LRRC3B: variants seen among roughly 807,000 people sequenced by gnomAD.
LRRC3B encodes leucine-rich repeat-containing protein 3B.
A neutral mutation model predicts 12.8 loss-of-function variants in LRRC3B; 2 were observed. The ratio of observed to expected loss-of-function variants is 0.16; its 90% CI spans 0.06 to 0.49. The LOEUF is 0.49. Among genes scored for constraint, LRRC3B ranks in the 20% least tolerant of loss-of-function variants. The probability of loss-of-function intolerance (pLI) is 0.96; values close to 1 mark genes in which losing one functional copy is unlikely to be tolerated. For missense variants in LRRC3B, 189 were observed against 319.4 expected, an observed-to-expected ratio of 0.59 and a Z score of 3.11; for synonymous variants, 132 against 122.0, an observed-to-expected ratio of 1.08 and a Z score of -0.54.
chr3:26,705,365 A>G (rs1307573094), intron 1 of LRRC3B, among the ~76,000 whole-genome samples: 1 of 151,752 alleles, frequency 6.6e-6, no homozygotes, highest in Non-Finnish European at 1.5e-5. Flanking sequence ...CTTCTGCTTG[A>G]CCCAGACGTA....
intron 1 of LRRC3B, among the ~76,000 whole-genome samples, chr3:26,634,505 AG>A (rs1698823993): frequency 6.6e-6 from 1 of 152,208 alleles, no homozygotes; most frequent in African/African-American, 2.4e-5. Context: ...TGTGTGTCAA[AG>A]ATCCAGCTAA....
chr3:26,669,955 T>G (rs1474681274), intron 1 of LRRC3B, among the ~76,000 whole-genome samples: 3 of 152,234 alleles, frequency 2.0e-5, no homozygotes, highest in Non-Finnish European at 4.4e-5. Context: ...GTTCATCACA[T>G]TTTCTTGAGC....
intron 1 of LRRC3B, among the ~76,000 whole-genome samples, chr3:26,693,849 A>G (rs556788436): frequency 6.6e-6 from 1 of 152,238 alleles, no homozygotes; most frequent in African/African-American, 2.4e-5. Context: ...GAAAAGTGGT[A>G]TCTGAAGATG....
intron 1 of LRRC3B, among the ~76,000 whole-genome samples, chr3:26,638,668 T>A (rs1698956033): frequency 6.6e-6 from 1 of 152,248 alleles, no homozygotes; most frequent in Admixed American, 6.5e-5. Context: ...AGTTTGCAAT[T>A]GACTTCATAA....
intron 1 of LRRC3B, among the ~76,000 whole-genome samples, chr3:26,690,822 G>T (rs1051934312): frequency 7.2e-5 from 11 of 151,858 alleles, no homozygotes; most frequent in African/African-American, 2.7e-4. Context: ...TGGTTTAAAA[G>T]GGTTGCCTAG....
intron 1 of LRRC3B, among the ~76,000 whole-genome samples, chr3:26,646,813 A>G (rs1360638856): frequency 2.6e-5 from 4 of 152,050 alleles, no homozygotes; most frequent in Non-Finnish European, 4.4e-5. Context: ...TGGGTGAGGC[A>G]GTGTGGTATA....
chr3:26,691,321 T>C (rs1377596026), intron 1 of LRRC3B, among the ~76,000 whole-genome samples: 2 of 151,770 alleles, frequency 1.3e-5, no homozygotes, highest in Non-Finnish European at 2.9e-5. Flanking sequence ...TACCAACAAA[T>C]TGGAGGGGTA....
chr3:26,706,455 T>TCAAA (rs777392352), intron 1 of LRRC3B, among the ~76,000 whole-genome samples: 1 of 152,160 alleles, frequency 6.6e-6, no homozygotes, highest in South Asian at 2.1e-4. Flanking sequence ...TCTCTTTTTA[T>TCAAA]CAAACATAAT....
chr3:26,657,640 T>C (rs1699402090), intron 1 of LRRC3B, among the ~76,000 whole-genome samples: 2 of 152,178 alleles, frequency 1.3e-5, no homozygotes, highest in African/African-American at 4.8e-5. Context: ...ATTAGAGTGA[T>C]TGATTATTTT....
chr3:26,703,902 G>A (rs919602968), intron 1 of LRRC3B, among the ~76,000 whole-genome samples: 1 of 151,398 alleles, frequency 6.6e-6, no homozygotes, highest in African/African-American at 2.4e-5. Context: ...TTAAATTTAG[G>A]TTCATTTTTT....
intron 1 of LRRC3B, among the ~76,000 whole-genome samples, chr3:26,679,196 GAAA>G (rs1047722475): frequency 1.3e-5 from 2 of 152,322 alleles, no homozygotes; most frequent in Admixed American, 1.3e-4. Context: ...GCTTCTGCAA[GAAA>G]GATGATAGCA....
intron 1 of LRRC3B, among the ~76,000 whole-genome samples, chr3:26,636,016 C>CT (rs145573355): frequency 1.3e-5 from 2 of 152,004 alleles, no homozygotes; most frequent in Non-Finnish European, 2.9e-5. Flanking sequence ...GCAACCTCTA[C>CT]TTTTTTTTAC....
intron 1 of LRRC3B, among the ~76,000 whole-genome samples, chr3:26,626,727 C>T (rs911842879): frequency 4.6e-5 from 7 of 152,142 alleles, no homozygotes; most frequent in African/African-American, 1.7e-4. Context: ...GAATAAGCTA[C>T]CACAAATGTG....
At chr3:26,625,813 T>C (rs1182910123) in intron 1 of LRRC3B, among the ~76,000 whole-genome samples, 2 of 152,220 alleles carry the variant, frequency 1.3e-5, no homozygotes, top group African/African-American at 4.8e-5. Context: ...TGATGTTGTG[T>C]GTGTTTGTGT....
At chr3:26,651,088 T>C (rs1007193304) in intron 1 of LRRC3B, among the ~76,000 whole-genome samples, 40 of 152,356 alleles carry the variant, frequency 2.6e-4, no homozygotes, top group Middle Eastern at 6.8e-3. Context: ...AGCGCACATT[T>C]TGTATACATG....
intron 1 of LRRC3B, among the ~76,000 whole-genome samples, chr3:26,676,021 T>A (rs1342918576): frequency 6.6e-6 from 1 of 152,002 alleles, no homozygotes; most frequent in East Asian, 1.9e-4. Context: ...ATTAACGTTT[T>A]TGAAGAGTGT....
intron 1 of LRRC3B, among the ~76,000 whole-genome samples, chr3:26,628,350 G>T (rs1698674506): frequency 6.7e-6 from 1 of 149,180 alleles, no homozygotes. Context: ...CGGAATATCT[G>T]ATCTTGATTA....
At chr3:26,640,573 A>T (rs1699009512) in intron 1 of LRRC3B, among the ~76,000 whole-genome samples, 1 of 152,198 alleles carries the variant, frequency 6.6e-6, no homozygotes, top group Non-Finnish European at 1.5e-5. Flanking sequence ...TTAAAAATCC[A>T]TGTCATATTT....
At chr3:26,691,392 G>T (rs1271419478) in intron 1 of LRRC3B, among the ~76,000 whole-genome samples, 1 of 151,864 alleles carries the variant, frequency 6.6e-6, no homozygotes. Flanking sequence ...AGATTCACAA[G>T]AGCAACTTTG....
Sources: allele counts gnomAD v4.1 joint callset (sites outside exome capture counted in the v4.1 genomes callset), GRCh38; gene constraint gnomAD v4.1.1; transcripts MANE v1.5; gene names NCBI Gene and HGNC (gene_info 2026-07-23, HGNC 2026-07-21).